Variants in PPP1R1C observed in about 807,000 individuals in gnomAD.
The protein encoded by PPP1R1C is protein phosphatase 1 regulatory subunit 1C.
Under a neutral mutation model 17.4 loss-of-function variants are expected in PPP1R1C, and 15 were observed. The ratio of observed to expected loss-of-function variants is 0.86; its 90% CI spans 0.58 to 1.33. PPP1R1C has a LOEUF of 1.33. Among genes scored for constraint, PPP1R1C ranks in the 40% most tolerant of loss-of-function variants. The pLI is 0.00. For synonymous variants in PPP1R1C, 35 were observed against 43.1 expected, an observed-to-expected ratio of 0.81 and a Z score of 0.73; for missense variants, 143 against 130.0, an observed-to-expected ratio of 1.10 and a Z score of -0.48.
In PPP1R1C at chr2:181,957,294, T is replaced by G. The variant is rs564414973; in HGVS notation, n.111+2660T>G. ...ATTGCTTGAACCCGGGAGGTGGAGG[T>G]TGTGGTAAGCCGAGGTAGCGCCACT... On this transcript the variant is annotated intron_variant and non_coding_transcript_variant, in intron 1 of 5. Coordinates refer to the PPP1R1C transcript ENST00000464264. This position sits in a 1 kb window ranked among gnomAD's most constrained non-coding sequence, Gnocchi z 4.2. Among the ~76,000 whole-genome samples, 30 of 152,028 alleles carry G rather than the reference T, an allele frequency of 2.0e-4. No homozygotes were observed. The highest frequency in any genetic ancestry group is 4.2e-4 in the South Asian group (2 of 4,814).
intron 4 of PPP1R1C, among the ~76,000 whole-genome samples, chr2:182,111,570 T>G (rs565206110): frequency 1.3e-3 from 199 of 152,274 alleles, no homozygotes; most frequent in East Asian, 1.7e-3. Flanking sequence ...TGTATAGTTC[T>G]TTATTATAAA....
intron 4 of PPP1R1C, among the ~76,000 whole-genome samples, chr2:182,079,331 A>C (rs1157143908): frequency 6.6e-6 from 1 of 152,226 alleles, no homozygotes; most frequent in Non-Finnish European, 1.5e-5. Flanking sequence ...ATAAGGAAAA[A>C]TGGTTTGAGC....
intron 2 of PPP1R1C, among the ~76,000 whole-genome samples, chr2:181,980,052 T>A (rs1322056066): frequency 1.3e-5 from 2 of 152,184 alleles, no homozygotes; most frequent in African/African-American, 4.8e-5. Flanking sequence ...CTTATTTTTA[T>A]AGGATTCTGC....
chr2:182,055,766 A>C (rs917461718), intron 2 of PPP1R1C, among the ~76,000 whole-genome samples: 2 of 152,284 alleles, frequency 1.3e-5, no homozygotes, highest in African/African-American at 4.8e-5. Context: ...TAAGTCCAAA[A>C]TATATGCATT....
chr2:182,035,666 C>G (rs533348220), intron 2 of PPP1R1C, among the ~76,000 whole-genome samples: 4 of 152,230 alleles, frequency 2.6e-5, no homozygotes, highest in Admixed American at 2.0e-4. Context: ...CCTTCGCTCT[C>G]TCTCTCTCAT....
intron 2 of PPP1R1C, among the ~76,000 whole-genome samples, chr2:182,057,001 C>T (rs1241797800): frequency 2.6e-5 from 4 of 152,132 alleles, no homozygotes; most frequent in African/African-American, 9.7e-5. Flanking sequence ...GCAAACTGAA[C>T]ACTTAAAAAT....
intron 2 of PPP1R1C, among the ~76,000 whole-genome samples, chr2:182,053,963 T>C (rs1250757045): frequency 6.6e-6 from 1 of 151,884 alleles, no homozygotes; most frequent in Admixed American, 6.6e-5. Flanking sequence ...TATTTTCCTC[T>C]GGGATTAGTG....
intron 2 of PPP1R1C, among the ~76,000 whole-genome samples, chr2:182,041,114 G>A (rs2125179323): frequency 6.6e-6 from 1 of 152,164 alleles, no homozygotes; most frequent in East Asian, 1.9e-4. Context: ...ATTTTGCATA[G>A]GATTGCTTTG....
chr2:182,084,987 C>T (rs571287464), intron 4 of PPP1R1C, among the ~76,000 whole-genome samples: 1 of 151,890 alleles, frequency 6.6e-6, no homozygotes, highest in South Asian at 2.1e-4. Flanking sequence ...AAGTATATTC[C>T]TAGGTATTTT....
intron 4 of PPP1R1C, among the ~76,000 whole-genome samples, chr2:182,088,520 G>T (rs1197950200): frequency 2.6e-5 from 4 of 152,088 alleles, no homozygotes; most frequent in African/African-American, 9.7e-5. Flanking sequence ...TTTCTCCTTG[G>T]TTATCAGAGT....
intron 2 of PPP1R1C, among the ~76,000 whole-genome samples, chr2:182,053,733 G>A (rs990143294): frequency 6.6e-6 from 1 of 151,362 alleles, no homozygotes; most frequent in Admixed American, 6.6e-5. Flanking sequence ...TTCTAAATCT[G>A]CTCTTTTATA....
chr2:182,028,705 A>C (rs1053600525), intron 2 of PPP1R1C, among the ~76,000 whole-genome samples: 1 of 148,686 alleles, frequency 6.7e-6, no homozygotes, highest in Admixed American at 6.7e-5. Flanking sequence ...TGGGGTGGAG[A>C]GTTCTGTAGA....
chr2:182,061,400 G>T (rs2125196355), intron 2 of PPP1R1C, 42 bp from the exon 3 acceptor site: 2 of 1,275,544 alleles, frequency 1.6e-6, no homozygotes, highest in East Asian at 2.8e-5. Context: ...TTACAAGAAA[G>T]AATATTACAT....
chr2:182,036,060 C>T (rs910907963), intron 2 of PPP1R1C, among the ~76,000 whole-genome samples: 4 of 152,158 alleles, frequency 2.6e-5, no homozygotes, highest in South Asian at 2.1e-4. Context: ...GAAGAGAAAA[C>T]GGGCTCTCCA....
intron 2 of PPP1R1C, among the ~76,000 whole-genome samples, chr2:182,026,221 C>G (rs1197694022): frequency 9.8e-6 from 1 of 101,564 alleles, no homozygotes; most frequent in Non-Finnish European, 2.0e-5. Context: ...TAATTAGATC[C>G]CATTTGTCAA....
chr2:181,980,957 C>T (rs1170867623), upstream of PPP1R1C, among the ~76,000 whole-genome samples: 23 of 139,532 alleles, frequency 1.6e-4, no homozygotes, highest in East Asian at 3.6e-3. Flanking sequence ...GAGACGGAGT[C>T]TCGCTCTGTC....
chr2:182,011,062 A>G (rs1574375003), intron 2 of PPP1R1C, among the ~76,000 whole-genome samples: 1 of 151,974 alleles, frequency 6.6e-6, no homozygotes, highest in East Asian at 1.9e-4. Flanking sequence ...TTGTTCAGGG[A>G]TATTGGCCTG....
intron 2 of PPP1R1C, among the ~76,000 whole-genome samples, chr2:182,045,894 C>G (rs1687328648): frequency 6.6e-6 from 1 of 152,072 alleles, no homozygotes; most frequent in Admixed American, 6.5e-5. Flanking sequence ...AATATCCAAT[C>G]ATATTTGTCT....
chr2:182,044,990 T>C (rs776010816), intron 2 of PPP1R1C, among the ~76,000 whole-genome samples: 1 of 152,238 alleles, frequency 6.6e-6, no homozygotes, highest in Non-Finnish European at 1.5e-5. Context: ...TCTATAGATA[T>C]ATGTATATTC....
Sources: allele counts gnomAD v4.1 joint callset (sites outside exome capture counted in the v4.1 genomes callset), GRCh38; gene constraint gnomAD v4.1.1; non-coding constraint Gnocchi (gnomAD v3.1); transcripts MANE v1.5; gene names NCBI Gene and HGNC (gene_info 2026-07-23, HGNC 2026-07-21).